The following ERC1 variants were observed in gnomAD, a reference collection of about 807,000 sequenced individuals.
ERC1 encodes the protein ELKS/RAB6-interacting/CAST family member 1, also known as RAB6 interacting protein 2.
ERC1 carries 56 observed loss-of-function variants against 132.0 expected under a neutral mutation model. The ratio of observed to expected loss-of-function variants is 0.42; its 90% CI spans 0.34 to 0.53. The LOEUF is 0.53. ERC1 is among the 20% of genes least tolerant of loss of function. The pLI is 0.03. For synonymous variants in ERC1, 478 were observed against 476.1 expected (o/e 1.00, Z -0.05); for missense variants, 1,202 against 1,349.9 (o/e 0.89, Z 1.72).
At chr12:1,479,377 C>A (rs1418748219) in intron 18 of ERC1, among the ~76,000 whole-genome samples, 1 of 152,172 alleles carries the variant, frequency 6.6e-6, no homozygotes, top group African/African-American at 2.4e-5. Context: ...GAATTCACAC[C>A]TTTACAGAAA....
intron 2 of ERC1, among the ~76,000 whole-genome samples, chr12:1,038,447 C>T (rs1031380883): frequency 2.0e-5 from 3 of 151,894 alleles, no homozygotes; most frequent in Admixed American, 1.3e-4. Flanking sequence ...CTGCAACCTC[C>T]GCCTCCCAGG....
At chr12:1,276,217 GTTTTTGTTTTTC>G (rs1316798700) in intron 14 of ERC1, among the ~76,000 whole-genome samples, 2 of 145,246 alleles carry the variant, frequency 1.4e-5, no homozygotes, top group Non-Finnish European at 3.1e-5. Context: ...TCTCTCTCAT[GTTTTTGTTTTTC>G]TTTTTCTTTT....
chr12:1,268,849 A>G (rs1409379680), intron 14 of ERC1, among the ~76,000 whole-genome samples: 2 of 152,200 alleles, frequency 1.3e-5, no homozygotes, highest in Non-Finnish European at 2.9e-5. Flanking sequence ...TGAAAGCTAG[A>G]AGCGTCTAGG....
At chr12:1,294,179 C>G (rs932612127) in intron 15 of ERC1, among the ~76,000 whole-genome samples, 6 of 152,066 alleles carry the variant, frequency 3.9e-5, no homozygotes, top group Non-Finnish European at 7.4e-5. Flanking sequence ...TACGGCCCAC[C>G]CTATAGACAT....
intron 1 of ERC1, among the ~76,000 whole-genome samples, chr12:994,168 T>C (rs1960299310): frequency 6.6e-6 from 1 of 151,696 alleles, no homozygotes; most frequent in Non-Finnish European, 1.5e-5. Context: ...AGTTGTTAAA[T>C]GTGTATTTTA....
At chr12:1,402,614 AAC>A (rs56777839) in intron 16 of ERC1, among the ~76,000 whole-genome samples, 1,590 of 144,508 alleles carry the variant, frequency 0.011, 13 homozygotes, top group Middle Eastern at 0.017. Context: ...TGTAACCCCC[AAC>A]ACACACACAC....
intron 18 of ERC1, among the ~76,000 whole-genome samples, chr12:1,487,828 GAAAAGA>G (rs2094255682): frequency 9.0e-6 from 1 of 110,586 alleles, no homozygotes; most frequent in South Asian, 2.9e-4. Flanking sequence ...GAGAGAGAAA[GAAAAGA>G]AAAGAAAGGA....
At chr12:1,171,536 T>A (rs1953069483) in intron 8 of ERC1, among the ~76,000 whole-genome samples, 1 of 152,102 alleles carries the variant, frequency 6.6e-6, no homozygotes, top group Non-Finnish European at 1.5e-5. Flanking sequence ...GACCAGTTCA[T>A]CCAGACTGTA....
chr12:1,271,159 G>T (rs1388680316), intron 14 of ERC1, among the ~76,000 whole-genome samples: 1 of 152,104 alleles, frequency 6.6e-6, no homozygotes, highest in African/African-American at 2.4e-5. Flanking sequence ...AGTATAAAAA[G>T]ATACATTTTA....
Position 1,183,411 on chromosome 12 carries a change from A to G in ERC1, c.2147A>G (p.Gln716Arg). 1 of 1,568,088 alleles carries G rather than the reference A, an allele frequency of 6.4e-7. No homozygotes were observed. The highest frequency in any genetic ancestry group is 8.7e-7 in the Non-Finnish European group (1 of 1,150,412). ...KKEECLKMES[Q>R]LKKAHEAALE... ...GAGGAGTGTCTGAAAATGGAATCAC[A>G]ATTGAAAAAGGTTAAAGAAAAAATT... The change falls in exon 11 of 19, where the codon CAA (glutamine) becomes CGA (arginine). Residue 716 changes from glutamine to arginine, a missense_variant. Gln to Arg is a conservative substitution (Grantham distance 43). Coordinates refer to ENST00000360905, the MANE Select transcript of ERC1 (RefSeq NM_178040.4).
chr12:1,284,254 T>C lies in ERC1; in HGVS notation c.2620-5598T>C, dbSNP rs189406933. ...GACAGGATTTCATTCTTTTTATGGC[T>C]GAATAGTATTCGTGTGTGTGTGTGT... On this transcript the variant is annotated intron_variant, in intron 14 of 18. Transcript: ENST00000360905. Among the ~76,000 whole-genome samples, 14 of 147,996 alleles carry C rather than the reference T, an allele frequency of 9.5e-5. No individual in the cohort carries two copies. In the East Asian group the frequency reaches 2.8e-3, roughly 30 times the overall value.
At chr12:1,342,637 T>A (rs959390192) in intron 15 of ERC1, among the ~76,000 whole-genome samples, 5 of 152,160 alleles carry the variant, frequency 3.3e-5, no homozygotes, top group Non-Finnish European at 7.3e-5. Flanking sequence ...TTTAGCTAGC[T>A]CTTAAAGGAT....
intron 8 of ERC1, among the ~76,000 whole-genome samples, chr12:1,150,978 C>A (rs923971579): frequency 1.3e-5 from 2 of 152,204 alleles, no homozygotes; most frequent in African/African-American, 4.8e-5. Flanking sequence ...TTAATTATGA[C>A]AAATGTGTCA....
At chr12:1,018,100 A>C (rs1037416285) in intron 1 of ERC1, among the ~76,000 whole-genome samples, 1 of 152,236 alleles carries the variant, frequency 6.6e-6, no homozygotes, top group Non-Finnish European at 1.5e-5. Flanking sequence ...AGTTTTTTAA[A>C]AAATTGAAAT....
At chr12:1,084,621 A>C (rs1052773136) in intron 3 of ERC1, among the ~76,000 whole-genome samples, 29 of 152,146 alleles carry the variant, frequency 1.9e-4, no homozygotes, top group Middle Eastern at 3.4e-3. Context: ...TATAACTCAA[A>C]GTATTGTTAC....
chr12:1,159,937 C>T (rs1048571524), intron 8 of ERC1, among the ~76,000 whole-genome samples: 1 of 152,122 alleles, frequency 6.6e-6, no homozygotes, highest in Non-Finnish European at 1.5e-5. Context: ...TGAAATCATG[C>T]ACCTTGGAAC....
intron 17 of ERC1, among the ~76,000 whole-genome samples, chr12:1,422,531 CT>C (rs138250049): frequency 0.096 from 14,094 of 147,452 alleles, 1,202 homozygotes; most frequent in African/African-American, 0.23. Context: ...GAATTTCATT[CT>C]TTTTTTTTTT....
chr12:1,040,754 A>G (rs1299021793), intron 2 of ERC1, among the ~76,000 whole-genome samples: 3 of 152,102 alleles, frequency 2.0e-5, no homozygotes, highest in African/African-American at 4.8e-5. Context: ...TTTCCTTCCT[A>G]ATACTGGATT....
chr12:1,425,835 G>A (rs1045737500), intron 17 of ERC1, among the ~76,000 whole-genome samples: 2 of 152,122 alleles, frequency 1.3e-5, no homozygotes, highest in African/African-American at 4.8e-5. Context: ...CCTACTTAAA[G>A]TAATAGAAAA....
Sources: gnomAD v4.1 joint callset for allele counts (sites outside exome capture counted in the v4.1 genomes callset) on GRCh38, gnomAD v4.1.1 for gene constraint, MANE v1.5 for transcripts, NCBI Gene and HGNC (gene_info 2026-07-23, HGNC 2026-07-21) for gene names.